PDE4B: variants seen among roughly 807,000 people sequenced by gnomAD.
PDE4B encodes phosphodiesterase 4B, also known as 3',5'-cyclic-AMP phosphodiesterase 4B.
Under a neutral mutation model 82.2 loss-of-function variants are expected in PDE4B, and 20 were observed. The observed-to-expected ratio is 0.24, with a 90% confidence interval of 0.17 to 0.35. The LOEUF (loss-of-function observed/expected upper bound fraction) is 0.35, where lower values mean the gene tolerates loss of function less well. PDE4B is among the 10% of genes least tolerant of loss of function. The pLI is 1.00. For synonymous variants in PDE4B, 320 were observed against 318.9 expected, an observed-to-expected ratio of 1.00 and a Z score of -0.04; for missense variants, 655 against 907.2, an observed-to-expected ratio of 0.72 and a Z score of 3.57.
Position 66,033,812 on chromosome 1 carries a change from T to A in PDE4B, c.281+114977T>A, listed in dbSNP as rs1653931371. 2.0e-5 allele frequency among the ~76,000 whole-genome samples: 3 copies of A among 152,038 alleles called. No individual in the cohort carries two copies. In the South Asian group the frequency reaches 6.2e-4, roughly 32 times the overall value. ...TCTTTTTTGTAATTTTGCTTTAAGC[T>A]TTCCATTCAAATTATCTTATGCTTC... On this transcript the variant is annotated intron_variant, in intron 3 of 16. Transcript: ENST00000341517.
chr1:66,281,515 G>C (rs1418184385), intron 7 of PDE4B, among the ~76,000 whole-genome samples: 1 of 152,210 alleles, frequency 6.6e-6, no homozygotes, highest in Non-Finnish European at 1.5e-5. Flanking sequence ...TATGTAGGAA[G>C]TTTAACATGG....
chr1:66,315,919 A>C (rs1428794619), intron 7 of PDE4B, among the ~76,000 whole-genome samples: 1 of 151,988 alleles, frequency 6.6e-6, no homozygotes, highest in Non-Finnish European at 1.5e-5. Context: ...CTTGGTTCTG[A>C]GCCTTGGCCA....
chr1:66,113,529 G>A (rs1645531288), intron 3 of PDE4B, among the ~76,000 whole-genome samples: 1 of 152,086 alleles, frequency 6.6e-6, no homozygotes, highest in African/African-American at 2.4e-5. Flanking sequence ...TTATACAGCT[G>A]CTCTAAGAGA....
intron 3 of PDE4B, among the ~76,000 whole-genome samples, chr1:66,119,638 A>G (rs547783353): frequency 1.3e-5 from 2 of 152,328 alleles, no homozygotes; most frequent in East Asian, 1.9e-4. Flanking sequence ...TCCAATTAGC[A>G]GAGGGAGCTC....
chr1:66,192,917 A>C (rs1009939849), intron 3 of PDE4B, among the ~76,000 whole-genome samples: 1 of 152,192 alleles, frequency 6.6e-6, no homozygotes, highest in Non-Finnish European at 1.5e-5. Context: ...TGAAGAAACA[A>C]AAAGTTTAAG....
chr1:66,101,095 C>G (rs1170620538), intron 3 of PDE4B, among the ~76,000 whole-genome samples: 2 of 151,914 alleles, frequency 1.3e-5, no homozygotes, highest in African/African-American at 2.4e-5. Context: ...GATTTTTTGT[C>G]CCTGCGATAG....
intron 3 of PDE4B, among the ~76,000 whole-genome samples, chr1:65,984,569 A>G (rs1016793903): frequency 5.9e-5 from 9 of 152,338 alleles, no homozygotes; most frequent in South Asian, 2.1e-4. Context: ...AGCATGGCCA[A>G]CATGGCGAAA....
chr1:66,190,252 G>A (rs1487108581), intron 3 of PDE4B, among the ~76,000 whole-genome samples: 3 of 152,338 alleles, frequency 2.0e-5, no homozygotes, highest in East Asian at 1.9e-4. Context: ...CTACTGGGGG[G>A]TGCCTCCCAG....
chr1:66,319,178 C>T (rs933909273), intron 7 of PDE4B, among the ~76,000 whole-genome samples: 1 of 152,194 alleles, frequency 6.6e-6, no homozygotes, highest in East Asian at 1.9e-4. Flanking sequence ...TAGCATCAGG[C>T]AGAGACACTC....
intron 3 of PDE4B, among the ~76,000 whole-genome samples, chr1:66,027,654 T>C (rs963316420): frequency 1.2e-4 from 18 of 152,138 alleles, no homozygotes; most frequent in African/African-American, 3.6e-4. Context: ...ACTTCCTAGA[T>C]ACAATGGAGG....
intron 1 of PDE4B, among the ~76,000 whole-genome samples, chr1:65,827,539 G>A (rs1395159419): frequency 6.6e-6 from 1 of 152,040 alleles, no homozygotes; most frequent in Non-Finnish European, 1.5e-5. Flanking sequence ...TACATAGTTG[G>A]GGAAAGAATC....
At chr1:66,175,538 G>A (rs747654572) in intron 3 of PDE4B, among the ~76,000 whole-genome samples, 16 of 152,114 alleles carry the variant, frequency 1.1e-4, no homozygotes, top group South Asian at 2.1e-4. Context: ...TACAGACAGC[G>A]GAAAACTTCA....
intron 3 of PDE4B, among the ~76,000 whole-genome samples, chr1:65,947,035 T>C (rs1648748719): frequency 6.6e-6 from 1 of 152,030 alleles, no homozygotes; most frequent in African/African-American, 2.4e-5. Flanking sequence ...ACACGTTTCT[T>C]TCCAAAGCAT....
chr1:66,351,710 T>G (rs1425798831), intron 8 of PDE4B, among the ~76,000 whole-genome samples: 1 of 152,172 alleles, frequency 6.6e-6, no homozygotes, highest in South Asian at 2.1e-4. Flanking sequence ...AGAGGTGATG[T>G]AACTACACAG....
At chr1:65,928,391 A>T (rs1175243008) in intron 3 of PDE4B, among the ~76,000 whole-genome samples, 1 of 152,208 alleles carries the variant, frequency 6.6e-6, no homozygotes, top group Non-Finnish European at 1.5e-5. Flanking sequence ...CACCGTGATT[A>T]ATTAGCCAAT....
In PDE4B at chr1:66,345,833, G is replaced by A. The variant is rs1215427114; in HGVS notation, c.748-9694G>A. Reference sequence around the variant, plus strand: ...GACCCCCAAAGTACCCTGAAAAAAGGGAAAGCTTATTCCTACCCTTCTCTT... The same window carrying A: ...GACCCCCAAAGTACCCTGAAAAAAGAGAAAGCTTATTCCTACCCTTCTCTT... On this transcript the variant is annotated intron_variant, in intron 8 of 16. Transcript: ENST00000341517. Among the ~76,000 whole-genome samples the A allele has an allele frequency of 2.0e-5, 3 of 152,092 alleles. No homozygotes were observed. In the East Asian group the frequency reaches 5.8e-4, roughly 29 times the overall value.
intron 1 of PDE4B, among the ~76,000 whole-genome samples, chr1:65,799,709 T>C (rs1286389218): frequency 2.0e-5 from 3 of 152,168 alleles, no homozygotes; most frequent in Non-Finnish European, 4.4e-5. Context: ...TACATTGGTA[T>C]ACTGCAGGAT....
intron 3 of PDE4B, among the ~76,000 whole-genome samples, chr1:66,200,319 G>T (rs1439444612): frequency 1.3e-5 from 2 of 152,166 alleles, no homozygotes; most frequent in East Asian, 1.9e-4. Context: ...GGATTGACTT[G>T]GCGATGAGGG....
At chr1:66,365,617 C>A in intron 12 of PDE4B, 50 bp from the exon 13 acceptor site, 1 of 1,030,660 alleles carries the variant, frequency 9.7e-7, no homozygotes, top group Non-Finnish European at 1.5e-6. Flanking sequence ...ACTGAATAAG[C>A]AGGATAGGCG....
Sources: allele counts gnomAD v4.1 joint callset (sites outside exome capture counted in the v4.1 genomes callset), GRCh38; gene constraint gnomAD v4.1.1; transcripts MANE v1.5; gene names NCBI Gene and HGNC (gene_info 2026-07-23, HGNC 2026-07-21).